NHERF1: variants seen among roughly 807,000 people sequenced by gnomAD.
NHERF1 encodes Na(+)/H(+) exchange regulatory cofactor NHE-RF1.
the NHERF1 span, chr17:74,763,155 C>G: frequency 5.7e-6 from 3 of 527,510 alleles, no homozygotes; most frequent in South Asian, 8.5e-5. Context: ...TTGGCCCTTC[C>G]CATGTATCCT....
At chr17:74,748,702 T>G in the NHERF1 span, 3 of 701,916 alleles carry the variant, frequency 4.3e-6, no homozygotes, top group South Asian at 5.8e-5. The surrounding 1 kb of genome is among the most constrained non-coding windows in gnomAD (Gnocchi z 4.3). Context: ...CGACGGTTCC[T>G]GGGACACCTG....
At chr17:74,749,659 C>T in the NHERF1 span, among the ~76,000 whole-genome samples, 2 of 152,178 alleles carry the variant, frequency 1.3e-5, no homozygotes, top group Non-Finnish European at 2.9e-5. The surrounding 1 kb of genome is among the most constrained non-coding windows in gnomAD (Gnocchi z 5.6). Flanking sequence ...GCCCTCTCCT[C>T]GTTCACCCCA....
the NHERF1 span, chr17:74,748,794 G>C: frequency 6.7e-7 from 1 of 1,482,734 alleles, no homozygotes; most frequent in Non-Finnish European, 9.2e-7. This position sits in a 1 kb window ranked among gnomAD's most constrained non-coding sequence, Gnocchi z 4.3. Flanking sequence ...GGGCCGTCCC[G>C]TCCCGTCCCC....
chr17:74,764,629 C>A, the NHERF1 span, among the ~76,000 whole-genome samples: 1 of 152,334 alleles, frequency 6.6e-6, no homozygotes, highest in East Asian at 1.9e-4. This position sits in a 1 kb window ranked among gnomAD's most constrained non-coding sequence, Gnocchi z 4.9. Context: ...CTGCTTCCCC[C>A]ACCCCTTCAC....
At chr17:74,754,112 C>T in the NHERF1 span, among the ~76,000 whole-genome samples, 343 of 151,898 alleles carry the variant, frequency 2.3e-3, no homozygotes, top group African/African-American at 7.8e-3. Context: ...TTCAGTGAGC[C>T]GAGATCGCGC....
At chr17:74,763,247 G>A in the NHERF1 span, 1 of 899,936 alleles carries the variant, frequency 1.1e-6, no homozygotes, top group Non-Finnish European at 1.7e-6. Flanking sequence ...GTATCCCCAG[G>A]TTGTGAACTG....
chr17:74,763,376 G>T, the NHERF1 span: 4 of 1,613,888 alleles, frequency 2.5e-6, no homozygotes, highest in Non-Finnish European at 3.4e-6. Flanking sequence ...GGTGAACGGG[G>T]TCTGCATGGA....
chr17:74,768,254 G>A, the NHERF1 span: 5 of 1,588,930 alleles, frequency 3.1e-6, no homozygotes, highest in Admixed American at 6.7e-5. Flanking sequence ...AGCCATGCGG[G>A]GGGTGGCAAC....
the NHERF1 span, among the ~76,000 whole-genome samples, chr17:74,764,187 T>A: frequency 6.6e-6 from 1 of 152,240 alleles, no homozygotes; most frequent in East Asian, 1.9e-4. The surrounding 1 kb of genome is among the most constrained non-coding windows in gnomAD (Gnocchi z 4.9). Context: ...GATGGCTCCC[T>A]GGAGCGGGCA....
chr17:74,752,110 G>A, the NHERF1 span, among the ~76,000 whole-genome samples: 1 of 152,184 alleles, frequency 6.6e-6, no homozygotes, highest in Admixed American at 6.5e-5. Flanking sequence ...CACACAGTCA[G>A]TGCCTGATCG....
At chr17:74,767,300 G>A in the NHERF1 span, among the ~76,000 whole-genome samples, 5 of 151,344 alleles carry the variant, frequency 3.3e-5, no homozygotes, top group African/African-American at 4.9e-5. Flanking sequence ...GTCTGGCCAC[G>A]GGCAGCCGGG....
chr17:74,760,647 T>C, the NHERF1 span, among the ~76,000 whole-genome samples: 4 of 152,106 alleles, frequency 2.6e-5, no homozygotes, highest in African/African-American at 9.7e-5. The surrounding 1 kb of genome is among the most constrained non-coding windows in gnomAD (Gnocchi z 4.5). Flanking sequence ...CAGAGCAGCC[T>C]GGCACACACA....
At chr17:74,768,555 TCCCTGGCCATGGCCAAA>T in the NHERF1 span, 1 of 1,613,490 alleles carries the variant, frequency 6.2e-7, no homozygotes, top group African/African-American at 1.3e-5. Context: ...CTTCAACATC[TCCCTGGCCATGGCCAAA>T]GAGAGGGCCC....
the NHERF1 span, chr17:74,768,924 C>T: frequency 1.8e-5 from 9 of 500,744 alleles, no homozygotes; most frequent in Non-Finnish European, 2.6e-5. Context: ...GCCACCCTGC[C>T]TGGGACATCG....
the NHERF1 span, among the ~76,000 whole-genome samples, chr17:74,753,484 G>GT: frequency 1.8e-4 from 28 of 152,196 alleles, no homozygotes; most frequent in African/African-American, 6.8e-4. Flanking sequence ...GTATGTGATT[G>GT]TTTGTGTGTT....
the NHERF1 span, among the ~76,000 whole-genome samples, chr17:74,766,184 T>G: frequency 6.6e-6 from 1 of 151,432 alleles, no homozygotes; most frequent in Non-Finnish European, 1.5e-5. Context: ...TTTTGGTTTG[T>G]TTTTTTTGTT....
chr17:74,759,938 T>C, the NHERF1 span, among the ~76,000 whole-genome samples: 1 of 152,130 alleles, frequency 6.6e-6, no homozygotes, highest in South Asian at 2.1e-4. Flanking sequence ...CAGGTTGTTA[T>C]GGGAAGGTTT....
the NHERF1 span, chr17:74,767,991 C>T: frequency 1.3e-5 from 10 of 750,934 alleles, no homozygotes; most frequent in Non-Finnish European, 2.2e-5. Flanking sequence ...AAAGGAGCCC[C>T]AGCAGGCTCA....
At chr17:74,762,570 T>C in the NHERF1 span, among the ~76,000 whole-genome samples, 1 of 151,772 alleles carries the variant, frequency 6.6e-6, no homozygotes, top group Admixed American at 6.6e-5. This position sits in a 1 kb window ranked among gnomAD's most constrained non-coding sequence, Gnocchi z 4.2. Flanking sequence ...GTTTTTTTTT[T>C]TTTAAATGGA....
Sources: allele counts gnomAD v4.1 joint callset (sites outside exome capture counted in the v4.1 genomes callset), GRCh38; gene constraint gnomAD v4.1.1; non-coding constraint Gnocchi (gnomAD v3.1); transcripts MANE v1.5; gene names NCBI Gene and HGNC (gene_info 2026-07-23, HGNC 2026-07-21).